Variants in MON2 observed in about 807,000 individuals in gnomAD.
MON2 encodes MON2 regulator of endosome-to-Golgi trafficking, also known as protein MON2 homolog.
A neutral mutation model predicts 208.6 loss-of-function variants in MON2; 84 were observed. The ratio of observed to expected loss-of-function variants is 0.40; its 90% CI spans 0.34 to 0.48. The LOEUF (loss-of-function observed/expected upper bound fraction) is 0.48, where lower values mean the gene tolerates loss of function less well. Among genes scored for constraint, MON2 ranks in the 20% least tolerant of loss-of-function variants. MON2 has a pLI of 0.59. For missense variants in MON2, 1,611 were observed against 2,015.4 expected (o/e 0.80, Z 3.84); for synonymous variants, 660 against 694.0 (o/e 0.95, Z 0.77).
At chr12:62,523,986 T>G (rs1049013181) in intron 8 of MON2, among the ~76,000 whole-genome samples, 1 of 152,154 alleles carries the variant, frequency 6.6e-6, no homozygotes. Flanking sequence ...TAATTAATAC[T>G]TAATTAGCAG....
chr12:62,500,849 C>A lies in MON2; in HGVS notation c.632C>A (p.Pro211His). The A allele has an allele frequency of 6.3e-7, 1 of 1,588,340 alleles. No individual in the cohort carries two copies. The highest frequency in any genetic ancestry group is 1.8e-5 in the Admixed American group (1 of 56,028). The change falls in exon 6 of 35, where the codon CCT (proline) becomes CAT (histidine). Residue 211 changes from proline (P) to histidine (H), a missense_variant. Physicochemically the swap from Pro to His is moderately conservative, Grantham distance 77 (BLOSUM62 -2). Transcript: ENST00000393630. ...SNRRSVSTLK[P>H]CAKDAYMLFQ... is the part of the protein sequence containing the mutation. ...AGAAGATCTGTCAGTACCCTCAAAC[C>A]TTGTGCTAAAGATGCATATATGCTT...
At chr12:62,552,160 C>G (rs561299320) in intron 23 of MON2, among the ~76,000 whole-genome samples, 2 of 152,238 alleles carry the variant, frequency 1.3e-5, no homozygotes, top group South Asian at 4.1e-4. Flanking sequence ...TTTTATATAA[C>G]AGACTTGAGG....
chr12:62,564,513 T>G (rs955284831), intron 26 of MON2, among the ~76,000 whole-genome samples: 1 of 151,978 alleles, frequency 6.6e-6, no homozygotes, highest in Admixed American at 6.6e-5. Context: ...AAAACCCAAT[T>G]TAAGTATTTT....
At chr12:62,483,051 AAAGT>A (rs1228332751) in intron 1 of MON2, 1 of 152,218 alleles carries the variant, frequency 6.6e-6, no homozygotes, top group Non-Finnish European at 1.5e-5. Context: ...AAGGGGAAAA[AAAGT>A]AAAAAGAAAC....
At chr12:62,562,178 A>T (rs2074221637) in intron 26 of MON2, among the ~76,000 whole-genome samples, 1 of 152,084 alleles carries the variant, frequency 6.6e-6, no homozygotes, top group Admixed American at 6.6e-5. Flanking sequence ...ACTTCAGGGG[A>T]TGGAAGAGTT....
At chr12:62,538,587 T>G in intron 19 of MON2, 82 bp downstream of exon 19, 1 of 923,640 alleles carries the variant, frequency 1.1e-6, no homozygotes, top group Non-Finnish European at 1.7e-6. Context: ...AGTGTTTTAC[T>G]AGTAGAACTA....
At chr12:62,548,300 G>A (rs1427708864) in intron 22 of MON2, among the ~76,000 whole-genome samples, 2 of 152,150 alleles carry the variant, frequency 1.3e-5, no homozygotes, top group Non-Finnish European at 2.9e-5. Flanking sequence ...AATCAGGAGT[G>A]ACTTCTAGAT....
At chr12:62,560,451 G>A (rs773757718) in intron 25 of MON2, 40 bp from the exon 26 acceptor site, 9 of 1,530,912 alleles carry the variant, frequency 5.9e-6, no homozygotes, top group South Asian at 2.6e-5. Flanking sequence ...AAATTTGATC[G>A]CTTTTATGAT....
chr12:62,556,141 G>T lies in MON2; in HGVS notation c.3358G>T (p.Ala1120Ser). Residue 1120 changes from alanine to serine, a missense_variant, in exon 25 of 35, where the codon GCT (alanine) becomes TCT (serine). Coordinates refer to ENST00000393630, the MANE Select transcript of MON2 (RefSeq NM_015026.3). ...QWAETWVLTL[A>S]GVARIFNTRR... ...GGCTGAGACGTGGGTATTAACATTG[G>T]CTGGAGTAGCAAGGATCTTCAACAC... 3 of 1,613,886 alleles carry T rather than the reference G, an allele frequency of 1.9e-6. No homozygotes were observed. The highest frequency in any genetic ancestry group is 2.5e-6 in the Non-Finnish European group (3 of 1,179,998).
chr12:62,535,733 C>G, intron 14 of MON2, 24 bp downstream of exon 14: 3 of 1,577,168 alleles, frequency 1.9e-6, no homozygotes, highest in Non-Finnish European at 2.6e-6. Flanking sequence ...ACTCAAAATT[C>G]TCTCTATGTA....
chr12:62,521,308 C>T (rs1265757988), intron 8 of MON2, among the ~76,000 whole-genome samples: 2 of 152,118 alleles, frequency 1.3e-5, no homozygotes, highest in Admixed American at 6.5e-5. Context: ...CTTGCCCGGC[C>T]CGTTTATTAT....
chr12:62,499,202 G>C (rs1369718735), intron 5 of MON2, among the ~76,000 whole-genome samples, 154 bp downstream of exon 5: 2 of 152,070 alleles, frequency 1.3e-5, no homozygotes, highest in African/African-American at 2.4e-5. Flanking sequence ...TGAGGAATAG[G>C]CTCCTTGTTT....
At chr12:62,590,642 G>A (rs748248063) in intron 34 of MON2, among the ~76,000 whole-genome samples, 4 of 152,036 alleles carry the variant, frequency 2.6e-5, no homozygotes, top group Admixed American at 1.3e-4. Context: ...CCCCCATCCC[G>A]GTTTTGTACA....
rs559949952 is a variant in MON2 at position 62,534,205 on chromosome 12, A to G, written c.1634-640A>G. Reference sequence around the variant, plus strand: ...CAGGAGTTTGAGTCCAGTCTGAGTAACATAACAAGACCCTGTCTCTTAAAA... The same window carrying G: ...CAGGAGTTTGAGTCCAGTCTGAGTAGCATAACAAGACCCTGTCTCTTAAAA... On this transcript the variant is annotated intron_variant, in intron 12 of 34. Coordinates refer to ENST00000393630, the MANE Select transcript of MON2 (RefSeq NM_015026.3). 4.7e-3 allele frequency among the ~76,000 whole-genome samples: 699 copies of G among 148,626 alleles called. 2 individuals carry two copies. Among genetic ancestry groups the G allele is most frequent in the Middle Eastern group, 0.01 (3 of 288 alleles).
intron 8 of MON2, among the ~76,000 whole-genome samples, chr12:62,511,599 A>G (rs1301750835): frequency 7.7e-6 from 1 of 129,446 alleles, no homozygotes; most frequent in Non-Finnish European, 1.7e-5. Context: ...TATGCCATGT[A>G]CAAAAAATAA....
intron 8 of MON2, among the ~76,000 whole-genome samples, chr12:62,510,678 C>T (rs2071347975): frequency 6.6e-6 from 1 of 152,142 alleles, no homozygotes; most frequent in South Asian, 2.1e-4. Flanking sequence ...TAACTAATAA[C>T]TAATATCACA....
chr12:62,492,817 A>G (rs1042663338), intron 2 of MON2, among the ~76,000 whole-genome samples: 4 of 151,234 alleles, frequency 2.6e-5, no homozygotes, highest in Admixed American at 2.0e-4. Context: ...CGTCTCTACT[A>G]AAAATACAAA....
At chr12:62,468,349 T>C (rs2068615874) in intron 1 of MON2, among the ~76,000 whole-genome samples, 1 of 152,148 alleles carries the variant, frequency 6.6e-6, no homozygotes, top group African/African-American at 2.4e-5. Flanking sequence ...TTTATTTTTA[T>C]TCCTATTTAA....
rs143517498 is a variant in MON2, at chr12:62,573,315, T to C, written c.4514+1733T>C. Among the ~76,000 whole-genome samples, 682 of 152,228 alleles carry C rather than the reference T, an allele frequency of 4.5e-3. 6 individuals carry two copies. The highest frequency in any genetic ancestry group is 0.016 in the African/African-American group (650 of 41,552). On this transcript the variant is annotated intron_variant, in intron 30 of 34. Coordinates refer to ENST00000393630, the MANE Select transcript of MON2 (RefSeq NM_015026.3). Reference sequence around the variant, plus strand: ...GTATCAAGCACATAGGTTGAGAAATTTACATTTTTCCTTTTATTTTCTAAT... The same window carrying C: ...GTATCAAGCACATAGGTTGAGAAATCTACATTTTTCCTTTTATTTTCTAAT...
Sources: allele counts gnomAD v4.1 joint callset (sites outside exome capture counted in the v4.1 genomes callset), GRCh38; gene constraint gnomAD v4.1.1; transcripts MANE v1.5; gene names NCBI Gene and HGNC (gene_info 2026-07-23, HGNC 2026-07-21).